Variants in NARS2 observed in about 807,000 individuals in gnomAD.
The protein encoded by NARS2 is asparaginyl-tRNA synthetase.
NARS2 carries 60 observed loss-of-function variants against 62.9 expected under a neutral mutation model. The observed-to-expected ratio is 0.95, with a 90% CI of 0.77 to 1.18. The LOEUF (loss-of-function observed/expected upper bound fraction) is 1.18. Ranked by LOEUF, NARS2 falls within the 50% of genes most tolerant of loss-of-function variation. NARS2 has a pLI of 0.00. For synonymous variants in NARS2, 196 were observed against 200.0 expected (o/e 0.98, Z 0.17); for missense variants, 619 against 576.4 (o/e 1.07, Z -0.76).
At chr11:78,494,023 T>A (rs1859946821) in intron 6 of NARS2, among the ~76,000 whole-genome samples, 1 of 152,218 alleles carries the variant, frequency 6.6e-6, no homozygotes, top group African/African-American at 2.4e-5. Context: ...CCCACTCAAG[T>A]CCTTGACGAC....
At chr11:78,574,042 G>A (rs1178310792) in intron 1 of NARS2, among the ~76,000 whole-genome samples, 2 of 152,040 alleles carry the variant, frequency 1.3e-5, no homozygotes, top group Non-Finnish European at 2.9e-5. Flanking sequence ...TTATAAACCT[G>A]GATATTCATT....
At chr11:78,467,571 T>TAAATA (rs1399736903) in intron 10 of NARS2, among the ~76,000 whole-genome samples, 90 of 150,294 alleles carry the variant, frequency 6.0e-4, no homozygotes, top group African/African-American at 2.1e-3. Flanking sequence ...ATAAATAAAT[T>TAAATA]AATTAATTAA....
intron 6 of NARS2, among the ~76,000 whole-genome samples, chr11:78,515,941 T>G (rs569000883): frequency 1.3e-5 from 2 of 152,324 alleles, no homozygotes; most frequent in South Asian, 4.1e-4. Flanking sequence ...ACCCACCAGA[T>G]AGACTTCAAC....
At chr11:78,525,073 G>C (rs934410766) in intron 6 of NARS2, among the ~76,000 whole-genome samples, 4 of 152,078 alleles carry the variant, frequency 2.6e-5, no homozygotes, top group Non-Finnish European at 5.9e-5. Context: ...TTCCAACTAC[G>C]TGACATTCTG....
intron 11 of NARS2, among the ~76,000 whole-genome samples, chr11:78,445,284 T>C (rs1279395484): frequency 1.3e-5 from 2 of 152,242 alleles, no homozygotes; most frequent in African/African-American, 2.4e-5. Flanking sequence ...CTAATTAGTA[T>C]TACTAAATTA....
chr11:78,517,785 T>C (rs1315894887), intron 6 of NARS2, among the ~76,000 whole-genome samples: 3 of 152,226 alleles, frequency 2.0e-5, no homozygotes, highest in Non-Finnish European at 2.9e-5. Context: ...CTGTCAATAC[T>C]ATACAGAAAA....
intron 7 of NARS2, among the ~76,000 whole-genome samples, chr11:78,483,012 C>A (rs1050083067): frequency 1.3e-5 from 2 of 152,160 alleles, no homozygotes; most frequent in Non-Finnish European, 2.9e-5. Context: ...CAAACCAAAT[C>A]CAGCAGCACA....
chr11:78,549,891 T>C (rs1856032779), intron 5 of NARS2, among the ~76,000 whole-genome samples: 1 of 152,080 alleles, frequency 6.6e-6, no homozygotes, highest in Non-Finnish European at 1.5e-5. Flanking sequence ...GTATCTAGAA[T>C]ATATAAAATA....
intron 6 of NARS2, among the ~76,000 whole-genome samples, chr11:78,503,813 T>C (rs1860378116): frequency 6.6e-6 from 1 of 152,096 alleles, no homozygotes; most frequent in Admixed American, 6.6e-5. Flanking sequence ...TCCCTCTTCA[T>C]TTTCCCTGAA....
chr11:78,544,018 CA>C (rs10688131), intron 5 of NARS2, among the ~76,000 whole-genome samples: 1,035 of 73,856 alleles, frequency 0.014, 15 homozygotes, highest in African/African-American at 0.055. Context: ...GACTCTGTCT[CA>C]AAAAAAAAAA....
rs117491844 is a variant in NARS2 at position 78,462,629 on chromosome 11, G to A, written c.1164+3247C>T. On this transcript the variant is annotated intron_variant, in intron 11 of 13. Transcript: ENST00000281038. The stretch of plus-strand genomic sequence containing the variant: ...TGAATACTAACTACTTACTATCTAC[G>A]TAGCTTTGGAAATGCAATCTATCTC... Among the ~76,000 whole-genome samples, 1,005 of 152,204 alleles carry A rather than the reference G, an allele frequency of 6.6e-3. 7 individuals carry two copies. Among genetic ancestry groups the A allele is most frequent in the Middle Eastern group, 0.01 (3 of 294 alleles).
At chr11:78,533,799 T>A (rs1360510043) in intron 5 of NARS2, among the ~76,000 whole-genome samples, 1 of 152,206 alleles carries the variant, frequency 6.6e-6, no homozygotes, top group East Asian at 1.9e-4. Flanking sequence ...GTGCTCCACC[T>A]AGTTATCCCT....
chr11:78,443,420 T>C (rs372825265), intron 12 of NARS2, among the ~76,000 whole-genome samples: 17 of 152,068 alleles, frequency 1.1e-4, no homozygotes, highest in African/African-American at 4.1e-4. Flanking sequence ...CTACTTTCCA[T>C]AGGGAAAGGT....
chr11:78,505,243 A>T (rs1205413394), intron 6 of NARS2, among the ~76,000 whole-genome samples: 1 of 148,588 alleles, frequency 6.7e-6, no homozygotes, highest in African/African-American at 2.5e-5. Flanking sequence ...AACATAATGA[A>T]ACCTTGTCTC....
chr11:78,554,382 C>A (rs762114861), intron 5 of NARS2, among the ~76,000 whole-genome samples: 5 of 152,088 alleles, frequency 3.3e-5, no homozygotes, highest in Non-Finnish European at 7.4e-5. Flanking sequence ...TTGATTCTTC[C>A]TACCCATGAG....
intron 4 of NARS2, among the ~76,000 whole-genome samples, chr11:78,563,257 C>T (rs983662289): frequency 8.0e-6 from 1 of 124,884 alleles, no homozygotes; most frequent in African/African-American, 3.0e-5. Flanking sequence ...CTTACTCTGT[C>T]GCCAGGTTGG....
In NARS2 at chr11:78,511,680, G is replaced by A. The variant is rs192907471; in HGVS notation, c.689+17162C>T. On this transcript the variant is annotated intron_variant, in intron 6 of 13. Coordinates refer to ENST00000281038, the MANE Select transcript of NARS2 (RefSeq NM_024678.6). ...TGCAGTGAGCTGAGATCGCCCCACT[G>A]CACTCCAGCCTGGGTGACAGAGCGA... 9.3e-5 allele frequency among the ~76,000 whole-genome samples: 14 copies of A among 150,932 alleles called. No individual in the cohort carries two copies. In the East Asian group the frequency reaches 2.0e-3, roughly 21 times the overall value.
At chr11:78,455,190 C>A (rs531823940) in intron 11 of NARS2, among the ~76,000 whole-genome samples, 1 of 152,216 alleles carries the variant, frequency 6.6e-6, no homozygotes, top group Admixed American at 6.5e-5. Context: ...GGATAAAGCC[C>A]AAGCTATCTG....
At position 78,557,697 on chromosome 11, in the gene NARS2, CT is replaced by C. The variant is rs1485607259; in HGVS notation, c.594+1841del. 6.6e-5 allele frequency among the ~76,000 whole-genome samples: 10 copies of C among 152,012 alleles called. No individual in the cohort carries two copies. In the South Asian group the frequency reaches 8.3e-4, roughly 13 times the overall value. Reference sequence around the variant, plus strand: ...CATAGTACACTTCTCATTTGTTTAGCTTCAGAAATACATTTTTTTCCTCTTC... The same window carrying C: ...CATAGTACACTTCTCATTTGTTTAGCTCAGAAATACATTTTTTTCCTCTTC... On this transcript the variant is annotated intron_variant, in intron 5 of 13. Coordinates refer to ENST00000281038, the MANE Select transcript of NARS2 (RefSeq NM_024678.6).
Sources: gnomAD v4.1 joint callset for allele counts (sites outside exome capture counted in the v4.1 genomes callset) on GRCh38, gnomAD v4.1.1 for gene constraint, MANE v1.5 for transcripts, NCBI Gene and HGNC (gene_info 2026-07-23, HGNC 2026-07-21) for gene names.